Variants in ZFY observed in about 807,000 individuals in gnomAD.
The protein encoded by ZFY is zinc finger Y-chromosomal protein.
For synonymous variants in ZFY, 47 were observed against 55.8 expected (o/e 0.84, Z 0.71); for missense variants, 113 against 170.9 (o/e 0.66, Z 1.89).
At position 2,978,043 on chromosome Y, in the gene ZFY, G is replaced by A; in HGVS notation, c.1185G>A (p.Lys395=). Residue 395 remains lysine (K), a synonymous_variant, in exon 7 of 8, where the codon AAG becomes AAA. Coordinates refer to ENST00000155093, the MANE Select transcript of ZFY (RefSeq NM_003411.4). Reference sequence around the variant, plus strand: ...GCAGACTGGCTAAACAGAAACCAAAGAAAAAGAGAAGACCTGATTCCAGGC... The same window carrying A: ...GCAGACTGGCTAAACAGAAACCAAAAAAAAAGAGAAGACCTGATTCCAGGC... ...GLGRLAKQKP[K]KKRRPDSRQY... The A allele has an allele frequency of 2.5e-6, 1 of 397,515 alleles. No homozygotes were observed. The highest frequency in any genetic ancestry group is 3.5e-6 in the Non-Finnish European group (1 of 282,996).
Position 2,976,865 on chromosome Y carries a change from A to G in ZFY, c.1081+43A>G, listed in dbSNP as rs772545649. 3 of 369,028 alleles carry G rather than the reference A, an allele frequency of 8.1e-6. No individual in the cohort carries two copies. The African/African-American group carries it at 2.0e-4, about 25-fold the overall frequency. The allele number at this position is 369,028 out of a possible 400,897, so 92.1% of individuals were successfully genotyped here. ...CAGAAGGATTGAGTAGTTTTTGAAC[A>G]TTAATTCACTGTTGAAAGTGGTTTC... On this transcript the variant is annotated intron_variant, in intron 6 of 7. Transcript: ENST00000155093.
intron 3 of ZFY, among the ~76,000 whole-genome samples, chrY:2,969,877 T>C: frequency 3.0e-5 from 1 of 33,512 alleles, no homozygotes; most frequent in Non-Finnish European, 7.4e-5. Context: ...ATAAAATTTT[T>C]GTTTAAAAGT....
At chrY:2,944,090 T>C (rs2051254430) in intron 1 of ZFY, among the ~76,000 whole-genome samples, 1 of 33,741 alleles carries the variant, frequency 3.0e-5, no homozygotes, top group East Asian at 7.6e-4. Context: ...ATCAATTTAC[T>C]TGAATGTTTT....
chrY:2,954,560 ATGG>A (rs2051287247), intron 2 of ZFY, among the ~76,000 whole-genome samples: 2 of 30,563 alleles, frequency 6.5e-5, no homozygotes, highest in Non-Finnish European at 7.8e-5. Flanking sequence ...TTAGCTGAGC[ATGG>A]TGGTGCATAT....
At chrY:2,947,013 G>A in intron 1 of ZFY, among the ~76,000 whole-genome samples, 1 of 31,924 alleles carries the variant, frequency 3.1e-5, no homozygotes, top group African/African-American at 1.2e-4. Context: ...GTGAGACTCC[G>A]TCTCAAAAAA....
rs972464634 is a variant in ZFY, at chrY:2,976,573, A to C, written c.929-97A>C. ...TTATGGTGAAAGCCAAGAAACGAAT[A>C]ATTCAACCAATGTTTATTTTTTCCT... On this transcript the variant is annotated intron_variant, in intron 5 of 7. Transcript: ENST00000155093. 8.1e-5 allele frequency: 15 copies of C among 185,898 alleles called. No individual in the cohort carries two copies. In the East Asian group the frequency reaches 1.6e-3, roughly 20 times the overall value. The allele number at this position is 185,898 out of a possible 400,897, so 46.4% of individuals were successfully genotyped here. A position where few individuals can be genotyped will look rare whatever the true frequency, so the allele number is the denominator to read the frequency against.
intron 1 of ZFY, among the ~76,000 whole-genome samples, chrY:2,949,118 G>A: frequency 9.5e-5 from 3 of 31,634 alleles, no homozygotes; most frequent in Admixed American, 8.8e-4. Context: ...TCAAGTGTGA[G>A]CCACCATGCA....
At chrY:2,963,231 A>G in intron 3 of ZFY, among the ~76,000 whole-genome samples, 1 of 33,375 alleles carries the variant, frequency 3.0e-5, no homozygotes, top group Non-Finnish European at 7.4e-5. Flanking sequence ...GTTTAAGTAC[A>G]CTTTACAATC....
At chrY:2,937,103 T>A in intron 1 of ZFY, among the ~76,000 whole-genome samples, 1 of 33,679 alleles carries the variant, frequency 3.0e-5, no homozygotes, top group African/African-American at 1.2e-4. Context: ...CACCTCAGTT[T>A]ATGCTGAGCT....
At position 2,937,488 on chromosome Y, in the gene ZFY, CAAA is replaced by C. The variant is rs780590951; in HGVS notation, c.-29+1739_-29+1741del. 2.1e-3 allele frequency among the ~76,000 whole-genome samples: 11 copies of C among 5,347 alleles called. No individual in the cohort carries two copies. The East Asian group carries it at 0.048, about 23-fold the overall frequency. The allele number at this position is 5,347 out of a possible 37,273, so 14.3% of individuals were successfully genotyped here. A position where few individuals can be genotyped will look rare whatever the true frequency, so the allele number is the denominator to read the frequency against. On this transcript the variant is annotated intron_variant, in intron 1 of 7. Transcript: ENST00000155093. ...GGGGAACAAGAGTGAGAGTCTGTCT[CAAA>C]AAAAAAAAAAAAAAAAAAAGAATGT...
At chrY:2,974,707 G>T in intron 3 of ZFY, among the ~76,000 whole-genome samples, 1 of 33,538 alleles carries the variant, frequency 3.0e-5, no homozygotes, top group Admixed American at 2.7e-4. Flanking sequence ...CCAGCATTTT[G>T]TGAGGCTGAG....
intron 1 of ZFY, among the ~76,000 whole-genome samples, chrY:2,939,571 G>T (rs1000333799): frequency 3.0e-5 from 1 of 33,399 alleles, no homozygotes; most frequent in African/African-American, 1.2e-4. Flanking sequence ...TTAATTACTT[G>T]TTTTCTCCAA....
At chrY:2,949,995 C>T (rs2051273600) in intron 1 of ZFY, among the ~76,000 whole-genome samples, 1 of 32,767 alleles carries the variant, frequency 3.1e-5, no homozygotes, top group Non-Finnish European at 7.5e-5. Flanking sequence ...GTTTTCTCAT[C>T]TTCATACCAC....
At chrY:2,936,988 G>C (rs2051218225) in intron 1 of ZFY, among the ~76,000 whole-genome samples, 1 of 33,319 alleles carries the variant, frequency 3.0e-5, no homozygotes, top group East Asian at 7.8e-4. Context: ...TGAAATGTCT[G>C]TAGAAGATGC....
rs556780075 is a variant in ZFY, at chrY:2,981,541, C to T, written c.*1548C>T. 3 of 32,677 alleles carry T rather than the reference C, an allele frequency of 9.2e-5. No homozygotes were observed. The highest frequency in any genetic ancestry group is 6.7e-4 in the South Asian group (1 of 1,498). The allele number at this position is 32,677 out of a possible 400,897, so 8.2% of individuals were successfully genotyped here. Reference sequence around the variant, plus strand: ...TGTATTTGGAATATTTTAGGGGATTCGAATTTTTTTTAACCCACATTACAG... The same window carrying T: ...TGTATTTGGAATATTTTAGGGGATTTGAATTTTTTTTAACCCACATTACAG... On this transcript the variant is annotated 3_prime_UTR_variant, in exon 8 of 8. Coordinates refer to ENST00000155093, the MANE Select transcript of ZFY (RefSeq NM_003411.4).
chrY:2,976,737 A>G lies in ZFY; in HGVS notation c.996A>G (p.Ala332=). The G allele has an allele frequency of 2.6e-6, 1 of 385,415 alleles. No homozygotes were observed. The change falls in exon 6 of 8, where the codon GCA becomes GCG. Residue 332 remains alanine, a synonymous_variant. Transcript: ENST00000155093. The part of the protein sequence containing the change: ...VIVGEEDAAV[A]AAAAAVHEQQ... ...TAGGAGAGGAGGATGCTGCTGTTGCAGCAGCAGCAGCTGCTGTGCATGAGC... is the reference window on the plus strand; with the variant it reads ...TAGGAGAGGAGGATGCTGCTGTTGCGGCAGCAGCAGCTGCTGTGCATGAGC...
chrY:2,937,164 G>A, intron 1 of ZFY, among the ~76,000 whole-genome samples: 1 of 32,839 alleles, frequency 3.0e-5, no homozygotes, highest in Non-Finnish European at 7.4e-5. Flanking sequence ...TTGAGAGCTA[G>A]TATAAATTGA....
chrY:2,943,849 A>C, intron 1 of ZFY, among the ~76,000 whole-genome samples: 1 of 33,522 alleles, frequency 3.0e-5, no homozygotes, highest in Non-Finnish European at 7.4e-5. Flanking sequence ...ATAATTTAGT[A>C]TGCTTCATCG....
intron 1 of ZFY, 123 bp from the exon 2 acceptor site, chrY:2,953,786 C>T: frequency 7.5e-6 from 1 of 133,012 alleles, no homozygotes; most frequent in East Asian, 1.3e-4. Flanking sequence ...CAATTTGTTC[C>T]CTTTAATTTT....
Sources: allele counts gnomAD v4.1 joint callset (sites outside exome capture counted in the v4.1 genomes callset), GRCh38; gene constraint gnomAD v4.1.1; transcripts MANE v1.5; gene names NCBI Gene and HGNC (gene_info 2026-07-23, HGNC 2026-07-21).